SYTL2: variants seen among roughly 807,000 people sequenced by gnomAD.
SYTL2 encodes synaptotagmin like 2.
In SYTL2, 165 loss-of-function variants were observed where a neutral mutation model predicts 198.7. The ratio of observed to expected loss-of-function variants is 0.83; its 90% confidence interval spans 0.73 to 0.94. The LOEUF is 0.94. Ranked by LOEUF, SYTL2 falls within the 40% of genes least tolerant of loss-of-function variation. The pLI, the probability that SYTL2 is intolerant of heterozygous loss-of-function variation, is 0.00. For missense variants in SYTL2, 2,835 were observed against 2,582.8 expected (o/e 1.10, Z -2.12); for synonymous variants, 966 against 917.7 (o/e 1.05, Z -0.95).
chr11:85,834,121 C>T, the SYTL2 span, among the ~76,000 whole-genome samples: 1 of 151,802 alleles, frequency 6.6e-6, no homozygotes, highest in African/African-American at 2.4e-5. Flanking sequence ...CTACCATGCA[C>T]AAGAGTTCAC....
the SYTL2 span, among the ~76,000 whole-genome samples, chr11:85,826,715 G>A: frequency 2.5e-4 from 38 of 152,210 alleles, no homozygotes; most frequent in Non-Finnish European, 5.1e-4. Flanking sequence ...ACCCATGCTC[G>A]TTTAACTCCC....
chr11:85,734,184 G>C lies in SYTL2; in HGVS notation c.1145C>G (p.Pro382Arg), dbSNP rs191048510. ...AGGCTTTCTGTATTGAGAAGGCTTA[G>C]GGTCACTCTGAAACTCTTCTGTGTC... ...AGDTEEFQSDPKPSQYRKPSL... is the reference protein window; with the variant it reads ...AGDTEEFQSDRKPSQYRKPSL... The change falls in exon 7 of 20, where the codon CCT (proline) becomes CGT (arginine). Residue 382 changes from proline (P) to arginine (R), a missense_variant. Physicochemically the swap from Pro to Arg is moderately radical, Grantham distance 103. Coordinates refer to ENST00000359152, the MANE Select transcript of SYTL2 (RefSeq NM_206927.4). 6.2e-7 allele frequency: 1 copy of C among 1,614,180 alleles called. No individual in the cohort carries two copies. Among genetic ancestry groups the C allele is most frequent in the Non-Finnish European group, 8.5e-7 (1 of 1,180,000 alleles).
At chr11:85,753,279 A>G (rs2091656216) in intron 2 of SYTL2, among the ~76,000 whole-genome samples, 1 of 152,188 alleles carries the variant, frequency 6.6e-6, no homozygotes, top group Non-Finnish European at 1.5e-5. Flanking sequence ...AAGAGAGAGA[A>G]AGAATCCACC....
chr11:85,796,583 A>G (rs2092807348), intron 1 of SYTL2, among the ~76,000 whole-genome samples: 2 of 152,230 alleles, frequency 1.3e-5, no homozygotes, highest in African/African-American at 4.8e-5. Flanking sequence ...TGGGCAATCA[A>G]GAAGGCTTCA....
At chr11:85,823,726 G>T in the SYTL2 span, among the ~76,000 whole-genome samples, 2 of 152,184 alleles carry the variant, frequency 1.3e-5, no homozygotes, top group Non-Finnish European at 1.5e-5. Flanking sequence ...TGGACCACAA[G>T]ACCTTTTATA....
At chr11:85,782,030 G>C (rs1356076540) in intron 1 of SYTL2, among the ~76,000 whole-genome samples, 2 of 152,214 alleles carry the variant, frequency 1.3e-5, no homozygotes, top group Non-Finnish European at 2.9e-5. Flanking sequence ...TGGGTGTGGG[G>C]TCTCCAACCC....
chr11:85,849,795 T>C, the SYTL2 span, among the ~76,000 whole-genome samples: 2 of 140,082 alleles, frequency 1.4e-5, no homozygotes, highest in East Asian at 4.0e-4. Context: ...CATATGAACT[T>C]TAAAGTAGTT....
At chr11:85,763,102 A>C (rs2092143508) in intron 1 of SYTL2, among the ~76,000 whole-genome samples, 1 of 152,196 alleles carries the variant, frequency 6.6e-6, no homozygotes, top group Non-Finnish European at 1.5e-5. Flanking sequence ...CTGTGGTTTG[A>C]ATAAGTTGAA....
chr11:85,774,803 C>T (rs989987751), intron 1 of SYTL2, among the ~76,000 whole-genome samples: 1 of 152,164 alleles, frequency 6.6e-6, no homozygotes, highest in Non-Finnish European at 1.5e-5. Flanking sequence ...CTTCCAAAGG[C>T]AGGCACAAAT....
chr11:85,817,897 C>CTTTTTTTT, the SYTL2 span, among the ~76,000 whole-genome samples: 32 of 119,856 alleles, frequency 2.7e-4, 1 homozygote, highest in Non-Finnish European at 3.5e-4. Context: ...ACCTTTGTGT[C>CTTTTTTTT]TTTTCTTTTT....
upstream of SYTL2, among the ~76,000 whole-genome samples, chr11:85,815,508 A>G (rs903609481): frequency 1.3e-5 from 2 of 152,216 alleles, no homozygotes; most frequent in Non-Finnish European, 2.9e-5. Flanking sequence ...TGTGTTAGCA[A>G]TCTCTCCACA....
At chr11:85,757,530 A>C in intron 2 of SYTL2, 95 bp downstream of exon 2, 11 of 1,392,162 alleles carry the variant, frequency 7.9e-6, no homozygotes, top group South Asian at 2.5e-5. Context: ...TTCGAGTCAG[A>C]ACTACCACTT....
intron 12 of SYTL2, among the ~76,000 whole-genome samples, chr11:85,712,613 G>A (rs181127072): frequency 2.0e-4 from 31 of 152,140 alleles, no homozygotes; most frequent in African/African-American, 7.2e-4. Context: ...TCTGTGTGGA[G>A]CTATGAGACA....
At chr11:85,813,601 G>T (rs986521073), upstream of SYTL2, among the ~76,000 whole-genome samples, 1 of 152,174 alleles carries the variant, frequency 6.6e-6, no homozygotes, top group Non-Finnish European at 1.5e-5. Context: ...AGACTTTGGT[G>T]TATCTCCTGG....
At chr11:85,785,705 G>A (rs530081256) in intron 1 of SYTL2, among the ~76,000 whole-genome samples, 1 of 152,254 alleles carries the variant, frequency 6.6e-6, no homozygotes, top group African/African-American at 2.4e-5. Context: ...CTCATGGTCT[G>A]GACTGGCTGT....
chr11:85,719,388 A>C (rs2087905752), intron 9 of SYTL2: 1 of 1,016,432 alleles, frequency 9.8e-7, no homozygotes, highest in Non-Finnish European at 1.2e-6. Flanking sequence ...AATACCCGTC[A>C]GCTGATGGTG....
intron 11 of SYTL2, chr11:85,715,021 AT>A (rs2086933567): frequency 6.6e-6 from 1 of 152,226 alleles, no homozygotes; most frequent in Non-Finnish European, 1.5e-5. Context: ...TACTTTTCTG[AT>A]AGTGTTTTAC....
chr11:85,724,006 T>G, intron 8 of SYTL2, 26 bp downstream of exon 8: 1 of 1,373,042 alleles, frequency 7.3e-7, no homozygotes. Context: ...AGACTCACTG[T>G]GAGTTAAAAA....
upstream of SYTL2, among the ~76,000 whole-genome samples, chr11:85,814,243 C>A (rs1403386514): frequency 6.6e-6 from 1 of 152,196 alleles, no homozygotes; most frequent in Non-Finnish European, 1.5e-5. Context: ...TTTTCTGTCA[C>A]CCCTTCCAGA....
Sources: allele counts gnomAD v4.1 joint callset (sites outside exome capture counted in the v4.1 genomes callset), GRCh38; gene constraint gnomAD v4.1.1; transcripts MANE v1.5; gene names NCBI Gene and HGNC (gene_info 2026-07-23, HGNC 2026-07-21).